Variants in ARHGAP22 observed in about 807,000 individuals in gnomAD.
ARHGAP22 encodes Rho GTPase activating protein 22.
ARHGAP22 carries 48 observed loss-of-function variants against 59.1 expected under a neutral mutation model. That is an observed-to-expected ratio of 0.81 (90% confidence interval 0.64 to 1.03). The LOEUF is 1.03. Ranked by LOEUF, ARHGAP22 falls within the 50% of genes least tolerant of loss-of-function variation. ARHGAP22 has a pLI of 0.00. For missense variants in ARHGAP22, 1,015 were observed against 958.7 expected (o/e 1.06, Z -0.78); for synonymous variants, 445 against 416.4 (o/e 1.07, Z -0.84).
chr10:48,463,610 C>A (rs1037741098), intron 4 of ARHGAP22, among the ~76,000 whole-genome samples: 1 of 152,172 alleles, frequency 6.6e-6, no homozygotes. Flanking sequence ...CCCTGGGTAG[C>A]GCTTTCCTCT....
intron 3 of ARHGAP22, among the ~76,000 whole-genome samples, chr10:48,528,618 G>A (rs909655832): frequency 5.9e-5 from 9 of 152,202 alleles, no homozygotes; most frequent in Admixed American, 2.0e-4. Flanking sequence ...TGGTGTAGAC[G>A]TGTGTCCCCT....
chr10:48,622,183 T>C (rs1435604997), intron 1 of ARHGAP22, among the ~76,000 whole-genome samples: 2 of 152,236 alleles, frequency 1.3e-5, no homozygotes, highest in African/African-American at 4.8e-5. Context: ...GTTATTTTGC[T>C]ACTTGTTTTC....
intron 1 of ARHGAP22, among the ~76,000 whole-genome samples, chr10:48,626,334 G>A (rs1412273131): frequency 6.6e-6 from 1 of 152,164 alleles, no homozygotes; most frequent in Admixed American, 6.5e-5. Flanking sequence ...GATGTCCCCA[G>A]GGTCTTAATC....
intron 1 of ARHGAP22, among the ~76,000 whole-genome samples, chr10:48,591,611 G>A (rs2059760880): frequency 1.3e-5 from 2 of 152,126 alleles, no homozygotes; most frequent in Non-Finnish European, 2.9e-5. Context: ...TGTTGGCGAG[G>A]CTGTGAGTAA....
intron 1 of ARHGAP22, among the ~76,000 whole-genome samples, chr10:48,595,602 C>G (rs2060020186): frequency 6.6e-6 from 1 of 152,098 alleles, no homozygotes; most frequent in South Asian, 2.1e-4. Flanking sequence ...TAGCTCACTG[C>G]AGGCTCAAAC....
At chr10:48,452,565 C>A (rs2046082587) in intron 8 of ARHGAP22, among the ~76,000 whole-genome samples, 1 of 152,262 alleles carries the variant, frequency 6.6e-6, no homozygotes, top group African/African-American at 2.4e-5. Flanking sequence ...AGGGCAAGAA[C>A]AGCCTCAGCT....
chr10:48,571,804 A>T (rs1201581674), intron 2 of ARHGAP22, among the ~76,000 whole-genome samples: 2 of 152,224 alleles, frequency 1.3e-5, no homozygotes, highest in Non-Finnish European at 2.9e-5. Flanking sequence ...CCAGGAAGGA[A>T]GGCCTCACTC....
At position 48,590,168 on chromosome 10, in the gene ARHGAP22, G is replaced by A. The variant is rs377161234; in HGVS notation, c.35-7016C>T. Among the ~76,000 whole-genome samples the A allele has an allele frequency of 6.0e-4, 92 of 152,106 alleles. 1 individual carries two copies. The highest frequency in any genetic ancestry group is 1.3e-3 in the Non-Finnish European group (87 of 67,994). On this transcript the variant is annotated intron_variant, in intron 1 of 9. Coordinates refer to ENST00000249601, the MANE Select transcript of ARHGAP22 (RefSeq NM_021226.4). ...GGGGAGTACAGCAAAGAAGCCTAGA[G>A]AACTCTTTCAGGAATGTTCCCTGCA...
chr10:48,439,288 A>G, the ARHGAP22 span: 1 of 149,528 alleles, frequency 6.7e-6, no homozygotes, highest in South Asian at 2.2e-4. Context: ...GAATGTAAAC[A>G]ATGTTATCTA....
intron 3 of ARHGAP22, 142 bp downstream of exon 3, chr10:48,555,321 T>G: frequency 2.8e-6 from 2 of 710,598 alleles, no homozygotes; most frequent in Non-Finnish European, 4.8e-6. Flanking sequence ...ATGCTGTCGA[T>G]TTGGCCCACA....
chr10:48,439,462 C>T, the ARHGAP22 span: 1 of 151,726 alleles, frequency 6.6e-6, no homozygotes, highest in Non-Finnish European at 1.5e-5. Flanking sequence ...CTTGCTAGGG[C>T]CGGTTTCTTA....
At chr10:48,519,201 G>A (rs532222486) in intron 3 of ARHGAP22, among the ~76,000 whole-genome samples, 3 of 152,302 alleles carry the variant, frequency 2.0e-5, no homozygotes, top group African/African-American at 7.2e-5. Context: ...CTATCACCCA[G>A]TCAGTAACAG....
At chr10:48,628,469 C>G (rs774218454) in intron 1 of ARHGAP22, among the ~76,000 whole-genome samples, 106 of 152,176 alleles carry the variant, frequency 7.0e-4, no homozygotes, top group Non-Finnish European at 1.3e-3. Context: ...CAGGTGGCTC[C>G]TGTCTGTTTC....
intron 1 of ARHGAP22, among the ~76,000 whole-genome samples, chr10:48,630,422 T>TA (rs1303860210): frequency 6.6e-6 from 1 of 152,194 alleles, no homozygotes; most frequent in African/African-American, 2.4e-5. Flanking sequence ...TTGAGTCTTC[T>TA]AATCCATGAC....
At chr10:48,543,650 C>G (rs1193819616) in intron 3 of ARHGAP22, among the ~76,000 whole-genome samples, 1 of 152,182 alleles carries the variant, frequency 6.6e-6, no homozygotes, top group Non-Finnish European at 1.5e-5. Flanking sequence ...CACTCCAGGC[C>G]TCTGGAGCCA....
chr10:48,541,139 C>G (rs1461081862), intron 3 of ARHGAP22, among the ~76,000 whole-genome samples: 1 of 152,060 alleles, frequency 6.6e-6, no homozygotes, highest in Non-Finnish European at 1.5e-5. Flanking sequence ...ATAGGAAGAA[C>G]CTACTCTGGG....
At chr10:48,481,475 T>C (rs1046645967) in intron 3 of ARHGAP22, among the ~76,000 whole-genome samples, 4 of 152,108 alleles carry the variant, frequency 2.6e-5, no homozygotes, top group Non-Finnish European at 5.9e-5. Flanking sequence ...GTCCTAAATA[T>C]TCACTTTTGT....
chr10:48,596,696 A>G (rs78559470), intron 1 of ARHGAP22, among the ~76,000 whole-genome samples: 2,670 of 152,342 alleles, frequency 0.018, 76 homozygotes, highest in African/African-American at 0.061. Context: ...GAGAAAAAGC[A>G]GCCTGTTGGA....
intron 5 of ARHGAP22, among the ~76,000 whole-genome samples, chr10:48,455,704 T>G (rs982961759): frequency 6.6e-6 from 1 of 152,218 alleles, no homozygotes; most frequent in Non-Finnish European, 1.5e-5. Flanking sequence ...CCTCCATAGG[T>G]GCTGCCAACC....
Sources: allele counts gnomAD v4.1 joint callset (sites outside exome capture counted in the v4.1 genomes callset), GRCh38; gene constraint gnomAD v4.1.1; transcripts MANE v1.5; gene names NCBI Gene and HGNC (gene_info 2026-07-23, HGNC 2026-07-21).